The following PRIM2 variants were observed in gnomAD, a reference collection of about 807,000 sequenced individuals.
PRIM2 encodes the protein DNA primase subunit 2, also known as DNA primase large subunit.
PRIM2 carries 39 observed loss-of-function variants against 67.3 expected under a neutral mutation model. That is an observed-to-expected ratio of 0.58 (90% CI 0.45 to 0.76). PRIM2 has a LOEUF of 0.76. Among genes scored for constraint, PRIM2 ranks in the 30% least tolerant of loss-of-function variants. PRIM2 has a pLI of 0.00. For missense variants in PRIM2, 398 were observed against 598.7 expected (o/e 0.66, Z 3.50); for synonymous variants, 143 against 198.7 (o/e 0.72, Z 2.36).
chr6:57,267,256 AT>A, the PRIM2 span, among the ~76,000 whole-genome samples: 1 of 152,216 alleles, frequency 6.6e-6, no homozygotes, highest in South Asian at 2.1e-4. Flanking sequence ...TCATTTTGCC[AT>A]TTTTTTGGTA....
chr6:57,501,113 G>A (rs1205991166), intron 7 of PRIM2, among the ~76,000 whole-genome samples: 4 of 152,086 alleles, frequency 2.6e-5, no homozygotes, highest in African/African-American at 9.7e-5. Flanking sequence ...AATAGAGAAT[G>A]TAATTCTAAC....
intron 10 of PRIM2, among the ~76,000 whole-genome samples, chr6:57,578,707 C>T (rs1428531969): frequency 4.1e-5 from 6 of 144,706 alleles, no homozygotes; most frequent in South Asian, 2.2e-4. Flanking sequence ...GACGGAGTCT[C>T]GCTCTGTCGC....
intron 10 of PRIM2, among the ~76,000 whole-genome samples, chr6:57,593,363 C>T (rs1406436036): frequency 4.6e-5 from 7 of 151,380 alleles, no homozygotes; most frequent in African/African-American, 9.7e-5. Flanking sequence ...AGTGCAATGG[C>T]GCAATCTTGG....
At chr6:57,645,852 C>G in intron 13 of PRIM2, 76 bp from the exon 14 acceptor site, 1 of 785,222 alleles carries the variant, frequency 1.3e-6, no homozygotes. Flanking sequence ...TAAACAAGTA[C>G]TAAAACAGCT....
At chr6:57,562,884 C>T (rs1775664945) in intron 10 of PRIM2, among the ~76,000 whole-genome samples, 1 of 152,134 alleles carries the variant, frequency 6.6e-6, no homozygotes, top group African/African-American at 2.4e-5. Flanking sequence ...AATATTGGTC[C>T]ACACCATCAC....
chr6:57,492,353 G>T (rs1773914324), intron 7 of PRIM2, among the ~76,000 whole-genome samples: 1 of 151,994 alleles, frequency 6.6e-6, no homozygotes, highest in South Asian at 2.1e-4. Flanking sequence ...GACCAGCCTG[G>T]CCAACATGGT....
rs1341620548 is a variant in PRIM2, at chr6:57,529,200, C to T, written c.762-3211C>T. On this transcript the variant is annotated intron_variant, in intron 8 of 13. Coordinates refer to ENST00000615550, the MANE Select transcript of PRIM2 (RefSeq NM_000947.5). ...TGGTGGGCGCCTGTATTCCCAGCTA[C>T]TTGGGAGGCTGAGGCAGGAGAATGG... is the stretch of plus-strand genomic sequence containing the variant. Among the ~76,000 whole-genome samples the T allele has an allele frequency of 2.0e-5, 3 of 152,128 alleles. No homozygotes were observed. The East Asian group carries it at 5.8e-4, about 30-fold the overall frequency.
At chr6:57,520,857 G>A (rs1408756226) in intron 8 of PRIM2, among the ~76,000 whole-genome samples, 3 of 152,108 alleles carry the variant, frequency 2.0e-5, no homozygotes, top group African/African-American at 7.2e-5. Flanking sequence ...TAAAGTAGCA[G>A]TTGTACCATT....
intron 7 of PRIM2, among the ~76,000 whole-genome samples, chr6:57,389,855 A>G (rs1335041307): frequency 6.6e-6 from 1 of 152,138 alleles, no homozygotes; most frequent in Non-Finnish European, 1.5e-5. Context: ...TGGGAATCAT[A>G]TAGGAGTTTT....
At chr6:57,380,313 C>A (rs1487693034) in intron 6 of PRIM2, among the ~76,000 whole-genome samples, 3 of 152,170 alleles carry the variant, frequency 2.0e-5, no homozygotes, top group Non-Finnish European at 4.4e-5. Flanking sequence ...CCCTCATCAC[C>A]CATTTGGCCC....
chr6:57,525,993 GACA>G (rs1339921649), intron 8 of PRIM2, among the ~76,000 whole-genome samples: 3 of 152,180 alleles, frequency 2.0e-5, no homozygotes, highest in African/African-American at 7.2e-5. Context: ...TCCAGATCAG[GACA>G]ACAACTGGGA....
In PRIM2 at chr6:57,320,319, T is replaced by C; in HGVS notation, c.155-138T>C. On this transcript the variant is annotated intron_variant, in intron 2 of 13. Coordinates refer to ENST00000615550, the MANE Select transcript of PRIM2 (RefSeq NM_000947.5). The stretch of plus-strand genomic sequence containing the variant: ...TTATAAGCATATGTAGTTTATATGA[T>C]GTCGTTACAGGAAATAAACTGGCAA... The C allele has an allele frequency of 5.3e-6, 3 of 569,898 alleles. No homozygotes were observed. In the South Asian group the frequency reaches 6.8e-5, roughly 13 times the overall value. The allele number at this position is 569,898 out of a possible 1,614,324, so 35.3% of individuals were successfully genotyped here. A position where few individuals can be genotyped will look rare whatever the true frequency, so the allele number is the denominator to read the frequency against.
chr6:57,378,515 T>C (rs12208665), intron 5 of PRIM2, among the ~76,000 whole-genome samples: 1 of 152,244 alleles, frequency 6.6e-6, no homozygotes, highest in Non-Finnish European at 1.5e-5. Flanking sequence ...GTATAGTTTT[T>C]TTCTATACCT....
At chr6:57,236,464 G>A in the PRIM2 span, among the ~76,000 whole-genome samples, 4 of 151,436 alleles carry the variant, frequency 2.6e-5, no homozygotes, top group Admixed American at 6.6e-5. Context: ...TGTGCACAAC[G>A]TGCAGGTTTG....
intron 5 of PRIM2, among the ~76,000 whole-genome samples, chr6:57,347,748 T>C (rs1294754177): frequency 2.0e-4 from 11 of 55,262 alleles, no homozygotes; most frequent in Non-Finnish European, 2.6e-4. Flanking sequence ...CCAGCCAGGT[T>C]TATGTAATTT....
chr6:57,222,990 G>C, the PRIM2 span, among the ~76,000 whole-genome samples: 1 of 152,118 alleles, frequency 6.6e-6, no homozygotes, highest in Non-Finnish European at 1.5e-5. Flanking sequence ...GGACAGGCAG[G>C]TATCAGAATG....
At chr6:57,582,485 C>CTT (rs1776106159) in intron 10 of PRIM2, among the ~76,000 whole-genome samples, 1 of 152,088 alleles carries the variant, frequency 6.6e-6, no homozygotes, top group African/African-American at 2.4e-5. Context: ...TTAGTTCAGA[C>CTT]TTTTAACTTC....
At chr6:57,271,759 G>C in the PRIM2 span, among the ~76,000 whole-genome samples, 1 of 152,110 alleles carries the variant, frequency 6.6e-6, no homozygotes, top group African/African-American at 2.4e-5. Context: ...TCTCTTGTGG[G>C]CATTTAGTGC....
At chr6:57,267,434 C>T in the PRIM2 span, among the ~76,000 whole-genome samples, 1 of 151,968 alleles carries the variant, frequency 6.6e-6, no homozygotes, top group African/African-American at 2.4e-5. Context: ...TGAGCTCAAT[C>T]CCAGTGGCAT....
Sources: allele counts gnomAD v4.1 joint callset (sites outside exome capture counted in the v4.1 genomes callset), GRCh38; gene constraint gnomAD v4.1.1; transcripts MANE v1.5; gene names NCBI Gene and HGNC (gene_info 2026-07-23, HGNC 2026-07-21).